Variants in TGFB1 observed in about 807,000 individuals in gnomAD.
TGFB1 encodes transforming growth factor beta-1 proprotein.
A neutral mutation model predicts 43.8 loss-of-function variants in TGFB1; 19 were observed. That is an observed-to-expected ratio of 0.43 (90% CI 0.30 to 0.64). TGFB1 has a LOEUF of 0.64. Ranked by LOEUF, TGFB1 falls within the 30% of genes least tolerant of loss-of-function variation. The pLI, the probability that TGFB1 is intolerant of heterozygous loss-of-function variation, is 0.11. For missense variants in TGFB1, 445 were observed against 529.8 expected (o/e 0.84, Z 1.57); for synonymous variants, 221 against 236.3 (o/e 0.94, Z 0.60).
At chr19:41,338,373 A>G (rs1206818435) in intron 5 of TGFB1, among the ~76,000 whole-genome samples, 1 of 150,958 alleles carries the variant, frequency 6.6e-6, no homozygotes, top group Non-Finnish European at 1.5e-5. Flanking sequence ...AGGTGCCTAT[A>G]ATCCCAACTA....
In TGFB1 at chr19:41,334,589, G is replaced by A. The variant is rs538899657; in HGVS notation, c.861-2308C>T. On this transcript the variant is annotated intron_variant, in intron 5 of 6. Transcript: ENST00000221930. ...CCCGGCACTTTGGGAGGCTAGGGCA[G>A]GCAGACTTGAGGACCCTGTCTTTAC... Among the ~76,000 whole-genome samples, 335 of 151,930 alleles carry A rather than the reference G, an allele frequency of 2.2e-3. 4 individuals are homozygous for A. Among genetic ancestry groups the A allele is most frequent in the Non-Finnish European group, 3.9e-3 (263 of 67,986 alleles).
intron 2 of TGFB1, 37 bp downstream of exon 2, chr19:41,348,258 C>T: frequency 6.2e-7 from 1 of 1,609,808 alleles, no homozygotes; most frequent in East Asian, 2.2e-5. Context: ...CCCTCTCCAG[C>T]CCATGCCCTG....
chr19:41,333,736 A>C (rs556467327), intron 5 of TGFB1, among the ~76,000 whole-genome samples: 1 of 152,340 alleles, frequency 6.6e-6, no homozygotes, highest in African/African-American at 2.4e-5. Context: ...TCTGGAATGC[A>C]GTAGGTACTA....
intron 5 of TGFB1, among the ~76,000 whole-genome samples, chr19:41,332,607 A>T (rs1287212298): frequency 6.6e-6 from 1 of 152,168 alleles, no homozygotes; most frequent in African/African-American, 2.4e-5. Context: ...ACAAAATAAC[A>T]CAGCTCCATG....
Position 41,340,746 on chromosome 19 carries a change from G to A in TGFB1, c.860+1137C>T, listed in dbSNP as rs369933319. ...TACCACTGTGAGCCCAATATTCAAGGACTCCAATCTGCCAACACTGGTATC... is the reference window on the plus strand; with the variant it reads ...TACCACTGTGAGCCCAATATTCAAGAACTCCAATCTGCCAACACTGGTATC... On this transcript the variant is annotated intron_variant, in intron 5 of 6. Transcript: ENST00000221930. 1.4e-4 allele frequency among the ~76,000 whole-genome samples: 21 copies of A among 152,212 alleles called. No individual in the cohort carries two copies. The East Asian group carries it at 3.1e-3, about 22-fold the overall frequency.
chr19:41,335,152 A>C (rs1414891361), intron 5 of TGFB1, among the ~76,000 whole-genome samples: 1 of 151,580 alleles, frequency 6.6e-6, no homozygotes, highest in Non-Finnish European at 1.5e-5. Flanking sequence ...TCCCGGGTTC[A>C]AGCAATTCTC....
Position 41,332,098 on chromosome 19 carries a change from G to A in TGFB1, c.1014+30C>T, listed in dbSNP as rs149596110. 1.6e-4 allele frequency: 261 copies of A among 1,599,242 alleles called. 1 individual carries two copies. Among genetic ancestry groups the A allele is most frequent in the Middle Eastern group, 3.3e-4 (2 of 6,026 alleles). ...TCCTCCGTCCTGGCTCCCCCCAAGCGCATCTCGTAGCCCGGTGGGCCAGAC... is the reference window on the plus strand; with the variant it reads ...TCCTCCGTCCTGGCTCCCCCCAAGCACATCTCGTAGCCCGGTGGGCCAGAC... On this transcript the variant is annotated intron_variant, in intron 6 of 6. Coordinates refer to ENST00000221930, the MANE Select transcript of TGFB1 (RefSeq NM_000660.7).
Position 41,352,854 on chromosome 19 carries a change from C to G in TGFB1, c.191G>C (p.Ser64Thr), listed in dbSNP as rs533204331. 2.1e-5 allele frequency: 33 copies of G among 1,564,852 alleles called. No individual in the cohort carries two copies. In the African/African-American group the frequency reaches 4.1e-4, roughly 19 times the overall value. Residue 64 changes from serine (S) to threonine (T), a missense_variant, in exon 1 of 7, where the codon AGC (serine) becomes ACC (threonine). Physicochemically the swap from Ser to Thr is moderately conservative, Grantham distance 58. Around this residue, in one of 3 missense-constraint regions of TGFB1, gnomAD observed 366 missense variants for 428.8 expected, o/e 0.85. Transcript: ENST00000221930. ...CGGGCCGGGCGGCACCTCCCCCTGG[C>G]TCGGGGGGCTGGCGAGCCGCAGCTT... ...LSKLRLASPP[S>T]QGEVPPGPLP...
Position 41,353,075 on chromosome 19 carries a change from G to C in TGFB1, c.-31C>G. ...AGGCGGCGCCCCCCGGCACTGCCGA[G>C]AGCGCGAACAGGGCTGGTGTGGTGG... is the stretch of plus-strand genomic sequence containing the variant. On this transcript the variant is annotated 5_prime_UTR_variant, in exon 1 of 7. Coordinates refer to ENST00000221930, the MANE Select transcript of TGFB1 (RefSeq NM_000660.7). The surrounding 1 kb of genome is among the most constrained non-coding windows in gnomAD (Gnocchi z 5.9). 3 of 1,503,456 alleles carry C rather than the reference G, an allele frequency of 2.0e-6. No individual in the cohort carries two copies. The highest frequency in any genetic ancestry group is 2.7e-6 in the Non-Finnish European group (3 of 1,131,532). The allele number at this position is 1,503,456 out of a possible 1,614,324, so 93.1% of individuals were successfully genotyped here. A position where few individuals can be genotyped will look rare whatever the true frequency, so the allele number is the denominator to read the frequency against.
intron 5 of TGFB1, among the ~76,000 whole-genome samples, chr19:41,333,918 G>A (rs753320600): frequency 3.3e-5 from 5 of 152,236 alleles, no homozygotes; most frequent in Admixed American, 6.5e-5. Flanking sequence ...CTTAATTACC[G>A]ATGACGCTGG....
At position 41,353,320 on chromosome 19, in the gene TGFB1, G is replaced by T. The variant is rs13306706; in HGVS notation, c.-276C>A. The T allele has an allele frequency of 8.3e-4, 364 of 438,188 alleles. 3 individuals are homozygous for T. The East Asian group carries it at 0.012, about 15-fold the overall frequency. 27.1% of individuals were successfully genotyped at this position (438,188 alleles called of 1,614,324 possible). A position where few individuals can be genotyped will look rare whatever the true frequency, so the allele number is the denominator to read the frequency against. ...TCTGTGGCAGGTCGGAGAGAGATCC[G>T]TCTCCTGGAGGAGAAAGGGTCTAGG... On this transcript the variant is annotated 5_prime_UTR_variant, in exon 1 of 7. Transcript: ENST00000221930. The surrounding 1 kb of genome is among the most constrained non-coding windows in gnomAD (Gnocchi z 5.9).
At chr19:41,333,609 T>C (rs868790000) in intron 5 of TGFB1, among the ~76,000 whole-genome samples, 1 of 152,192 alleles carries the variant, frequency 6.6e-6, no homozygotes, top group Non-Finnish European at 1.5e-5. Flanking sequence ...TCCGCACGCC[T>C]CGGCCTCCCA....
chr19:41,344,424 C>T (rs2038092671), intron 3 of TGFB1, among the ~76,000 whole-genome samples: 2 of 152,190 alleles, frequency 1.3e-5, no homozygotes, highest in South Asian at 4.1e-4. Context: ...ATCCCAGTCC[C>T]ACCCACTCTG....
In TGFB1 at chr19:41,342,196, T is replaced by C. The variant is rs749782632; in HGVS notation, c.686A>G (p.Asp229Gly). The C allele has an allele frequency of 1.1e-5, 18 of 1,608,744 alleles. No individual in the cohort carries two copies. The highest frequency in any genetic ancestry group is 3.4e-5 in the Admixed American group (2 of 59,360). ...LSAHCSCDSRDNTLQVDINGF... is the reference protein window; with the variant it reads ...LSAHCSCDSRGNTLQVDINGF... ...GTTGATGTCCACTTGCAGTGTGTTA[T>C]CCCTGCTGTCACAGGAGCAGTGGGC... The change falls in exon 4 of 7, where the codon GAT becomes GGT. Residue 229 changes from aspartate to glycine, a missense_variant. This residue lies in a region of TGFB1 where 366 missense variants were observed against 428.8 expected (regional missense o/e 0.85). Transcript: ENST00000221930.
At chr19:41,342,618 G>A (rs1380650809) in intron 3 of TGFB1, among the ~76,000 whole-genome samples, 3 of 150,486 alleles carry the variant, frequency 2.0e-5, no homozygotes, top group African/African-American at 7.3e-5. Context: ...AGGTTCAAAC[G>A]ATTCTCCTGC....
chr19:41,336,616 T>C (rs2037991482), intron 5 of TGFB1, among the ~76,000 whole-genome samples: 1 of 151,954 alleles, frequency 6.6e-6, no homozygotes, highest in Non-Finnish European at 1.5e-5. Flanking sequence ...TCTCCAACTC[T>C]TAGGCTCAAG....
intron 2 of TGFB1, among the ~76,000 whole-genome samples, chr19:41,346,675 C>T (rs904607443): frequency 6.6e-6 from 1 of 152,322 alleles, no homozygotes. Context: ...CTGCTAACCA[C>T]ATGTGACTAT....
chr19:41,339,352 C>T (rs1254380875), intron 5 of TGFB1, among the ~76,000 whole-genome samples: 1 of 152,048 alleles, frequency 6.6e-6, no homozygotes, highest in Non-Finnish European at 1.5e-5. Context: ...CTCCTAAGCT[C>T]AAGCGATCTG....
chr19:41,345,775 G>A (rs1015333891), intron 2 of TGFB1, among the ~76,000 whole-genome samples: 1 of 151,886 alleles, frequency 6.6e-6, no homozygotes. Flanking sequence ...GGTGGCACAC[G>A]CCTGTAATCC....
Sources: allele counts gnomAD v4.1 joint callset (sites outside exome capture counted in the v4.1 genomes callset), GRCh38; gene constraint gnomAD v4.1.1; regional missense constraint gnomAD v4.1.1; non-coding constraint Gnocchi (gnomAD v3.1); transcripts MANE v1.5; gene names NCBI Gene and HGNC (gene_info 2026-07-23, HGNC 2026-07-21).